The following UPF2 variants were observed in gnomAD, a reference collection of about 807,000 sequenced individuals.
UPF2 encodes UPF2 regulator of nonsense mediated mRNA decay, also known as regulator of nonsense transcripts 2.
A neutral mutation model predicts 141.4 loss-of-function variants in UPF2; 17 were observed. That is an observed-to-expected ratio of 0.12 (90% CI 0.08 to 0.18). The LOEUF is 0.18. Ranked by LOEUF, UPF2 falls within the 10% of genes least tolerant of loss-of-function variation. The pLI is 1.00. For synonymous variants in UPF2, 540 were observed against 498.0 expected, an observed-to-expected ratio of 1.08 and a Z score of -1.12; for missense variants, 1,152 against 1,515.9, an observed-to-expected ratio of 0.76 and a Z score of 3.99.
In UPF2 at chr10:12,029,117, T is replaced by C; in HGVS notation, c.773A>G (p.Asn258Ser). ...FEARKEEKTP[N>S]ITKLRTDLRF... ...CAAATCAGTTCTTAACTTGGTGATG[T>C]TAGGTGTTTTCTCCTCTTTCCTTGC... The change falls in exon 3 of 22, where the codon AAC (asparagine) becomes AGC (serine). Residue 258 changes from asparagine to serine, a missense_variant. Asn to Ser is a conservative substitution (Grantham distance 46). Transcript: ENST00000357604. The C allele has an allele frequency of 1.9e-6, 3 of 1,614,228 alleles. No individual in the cohort carries two copies. The highest frequency in any genetic ancestry group is 1.7e-6 in the Non-Finnish European group (2 of 1,180,054).
In UPF2 at chr10:12,037,994, T is replaced by C. The variant is rs138248837; in HGVS notation, c.-18-2553A>G. ...CATTGCTCTCCACTCCCTTGTTCTA[T>C]GCATTTATTTTGACAGTGACACCTA... On this transcript the variant is annotated intron_variant, in intron 1 of 21. Transcript: ENST00000357604. Among the ~76,000 whole-genome samples, 17 of 152,278 alleles carry C rather than the reference T, an allele frequency of 1.1e-4. No individual in the cohort carries two copies. In the East Asian group the frequency reaches 2.7e-3, roughly 24 times the overall value.
chr10:12,002,794 T>C (rs200792638), intron 5 of UPF2, among the ~76,000 whole-genome samples: 3 of 152,212 alleles, frequency 2.0e-5, no homozygotes, highest in African/African-American at 4.8e-5. Context: ...AGTTGAGTGA[T>C]AGGTAAATCC....
chr10:11,964,439 G>A (rs766421677), intron 10 of UPF2, among the ~76,000 whole-genome samples: 21 of 151,892 alleles, frequency 1.4e-4, no homozygotes, highest in Non-Finnish European at 2.6e-4. Flanking sequence ...CTTTTGTCTT[G>A]GTCTATATAT....
intron 16 of UPF2, among the ~76,000 whole-genome samples, chr10:11,946,729 C>T (rs1833004921): frequency 6.6e-6 from 1 of 152,126 alleles, no homozygotes; most frequent in Non-Finnish European, 1.5e-5. Flanking sequence ...CTCAGACATC[C>T]TTTTATTTTG....
In UPF2 at chr10:11,929,945, G is replaced by A; in HGVS notation, c.3729C>T (p.Asn1243=). ...AGCGAGGCCGCCTCTCACGATTGGT[G>A]TTTGCTGGAGCTGGGCGCTGTGCAA... is the stretch of plus-strand genomic sequence containing the variant. ...QSLAQRPAPA[N]TNRERRPRYQ... is the part of the protein sequence containing the mutation. Residue 1243 remains asparagine (N), a synonymous_variant, in exon 21 of 22, where the codon AAC becomes AAT. Coordinates refer to ENST00000357604, the MANE Select transcript of UPF2 (RefSeq NM_015542.4). 9.3e-6 allele frequency: 15 copies of A among 1,614,234 alleles called. No homozygotes were observed. Among genetic ancestry groups the A allele is most frequent in the Non-Finnish European group, 1.3e-5 (15 of 1,180,042 alleles).
chr10:11,967,524 T>A, intron 9 of UPF2, 70 bp from the exon 10 acceptor site: 1 of 881,136 alleles, frequency 1.1e-6, no homozygotes, highest in Non-Finnish European at 1.7e-6. Context: ...ACTATTATTT[T>A]AATGCATTCG....
chr10:12,037,488 C>G (rs923080597), intron 1 of UPF2, among the ~76,000 whole-genome samples: 1 of 150,984 alleles, frequency 6.6e-6, no homozygotes, highest in Non-Finnish European at 1.5e-5. Context: ...CTCCACCTTC[C>G]GGGTTTAAGT....
In UPF2 at chr10:12,004,718, G is replaced by C. The variant is rs1452668397; in HGVS notation, c.1316C>G (p.Pro439Arg). 6.2e-7 allele frequency: 1 copy of C among 1,612,042 alleles called. No individual in the cohort carries two copies. Among genetic ancestry groups the C allele is most frequent in the Admixed American group, 1.7e-5 (1 of 59,738 alleles). Residue 439 changes from proline to arginine, a missense_variant, in exon 5 of 22, where the codon CCT becomes CGT. Physicochemically the swap from Pro to Arg is moderately radical, Grantham distance 103. Coordinates refer to ENST00000357604, the MANE Select transcript of UPF2 (RefSeq NM_015542.4). ...ACCAGGTGTGAATATATCAATTCCAGGCCCATGTTCTACAATAAAATAAAT... is the reference window on the plus strand; with the variant it reads ...ACCAGGTGTGAATATATCAATTCCACGCCCATGTTCTACAATAAAATAAAT... ...QDKPTPEEHG[P>R]GIDIFTPGKP...
At chr10:11,928,016 G>T (rs557689120) in intron 21 of UPF2, among the ~76,000 whole-genome samples, 1 of 152,066 alleles carries the variant, frequency 6.6e-6, no homozygotes. Flanking sequence ...GTAGAGCCTC[G>T]GTTTAAACAC....
At chr10:11,934,809 T>C (rs540754826) in intron 19 of UPF2, among the ~76,000 whole-genome samples, 10 of 152,106 alleles carry the variant, frequency 6.6e-5, no homozygotes, top group Non-Finnish European at 1.3e-4. Context: ...AGGCTGGTCT[T>C]GAATCCCTGA....
At chr10:11,930,802 G>T (rs898749832) in intron 20 of UPF2, among the ~76,000 whole-genome samples, 2 of 152,212 alleles carry the variant, frequency 1.3e-5, no homozygotes, top group East Asian at 3.9e-4. Context: ...GTTGGGTATC[G>T]ACTGGGAGAG....
At chr10:11,938,632 C>CTT (rs1288694024) in intron 18 of UPF2, among the ~76,000 whole-genome samples, 1 of 149,058 alleles carries the variant, frequency 6.7e-6, no homozygotes, top group Non-Finnish European at 1.5e-5. Flanking sequence ...TTGCCATTAC[C>CTT]TTTCACACAA....
At chr10:11,995,430 A>C (rs1379664526) in intron 8 of UPF2, among the ~76,000 whole-genome samples, 1 of 152,160 alleles carries the variant, frequency 6.6e-6, no homozygotes, top group Non-Finnish European at 1.5e-5. Flanking sequence ...GCTGGGTATA[A>C]AGCAGTAAAC....
At position 11,952,244 on chromosome 10, in the gene UPF2, A is replaced by G. The variant is rs779417121; in HGVS notation, c.2856T>C (p.Tyr952=). Residue 952 remains tyrosine, a synonymous_variant, in exon 15 of 22, where the codon TAT becomes TAC. Transcript: ENST00000357604. ...CCTCCAAACTTTTCTTCCACCAAAC[A>G]TAACGCTGATAACAAATGAAAAATA... The part of the protein sequence containing the change: ...LDCFLVYFQR[Y]VWWKKSLEVW... 2.5e-6 allele frequency: 4 copies of G among 1,576,742 alleles called. No individual in the cohort carries two copies. Among genetic ancestry groups the G allele is most frequent in the East Asian group, 4.5e-5 (2 of 44,526 alleles).
At position 12,028,860 on chromosome 10, in the gene UPF2, T is replaced by C; in HGVS notation, c.1030A>G (p.Ile344Val). 1.2e-6 allele frequency: 2 copies of C among 1,614,188 alleles called. No individual in the cohort carries two copies. Among genetic ancestry groups the C allele is most frequent in the South Asian group, 1.1e-5 (1 of 91,086 alleles). ...FNLSFPPSEI[I>V]SPEKQQPFQN... is the part of the protein sequence containing the mutation. ...AAGGGCTGTTGTTTCTCTGGACTAA[T>C]TATCTCACTAGGAGGAAAACTCAAA... The change falls in exon 3 of 22, where the codon ATT becomes GTT. Residue 344 changes from isoleucine to valine, a missense_variant. Coordinates refer to ENST00000357604, the MANE Select transcript of UPF2 (RefSeq NM_015542.4).
At chr10:11,982,492 A>G (rs1049119425) in intron 8 of UPF2, among the ~76,000 whole-genome samples, 1 of 152,146 alleles carries the variant, frequency 6.6e-6, no homozygotes, top group African/African-American at 2.4e-5. Flanking sequence ...CTTGGGCTGG[A>G]ATATGCTTTC....
At chr10:11,970,934 T>G (rs1330512744) in intron 9 of UPF2, among the ~76,000 whole-genome samples, 1 of 152,102 alleles carries the variant, frequency 6.6e-6, no homozygotes, top group Admixed American at 6.5e-5. Context: ...GTTGGATGCA[T>G]ATCCTCTTCA....
At position 11,979,910 on chromosome 10, in the gene UPF2, T is replaced by C. The variant is rs1588549849; in HGVS notation, c.1845-745A>G. Among the ~76,000 whole-genome samples the C allele has an allele frequency of 1.3e-5, 2 of 151,950 alleles. No individual in the cohort carries two copies. Among genetic ancestry groups the C allele is most frequent in the Non-Finnish European group, 2.9e-5 (2 of 67,974 alleles). On this transcript the variant is annotated intron_variant, in intron 8 of 21. Transcript: ENST00000357604. This position sits in a 1 kb window ranked among gnomAD's most constrained non-coding sequence, Gnocchi z 6.2. The stretch of plus-strand genomic sequence containing the variant: ...ACAAAGCAAGACTCCATCAAACGAA[T>C]GAATGAATGAATGAATGGTACTCAA...
Position 12,029,242 on chromosome 10 carries a change from G to T in UPF2, c.648C>A (p.Ile216=). The T allele has an allele frequency of 6.2e-7, 1 of 1,614,116 alleles. No homozygotes were observed. The highest frequency in any genetic ancestry group is 8.5e-7 in the Non-Finnish European group (1 of 1,180,018). ...GGTGCACAGCACAGTTCACATCAGA[G>T]ATTTTTAGTTTTGCTTCCACGATGG... ...VASIVEAKLK[I]SDVNCAVHLC... is the part of the protein sequence containing the mutation. The change falls in exon 3 of 22, where the codon ATC becomes ATA. Residue 216 remains isoleucine, a synonymous_variant. Transcript: ENST00000357604.
Sources: gnomAD v4.1 joint callset for allele counts (sites outside exome capture counted in the v4.1 genomes callset) on GRCh38, gnomAD v4.1.1 for gene constraint, Gnocchi (gnomAD v3.1) non-coding constraint, MANE v1.5 for transcripts, NCBI Gene and HGNC (gene_info 2026-07-23, HGNC 2026-07-21) for gene names.